CERS5: variants seen among roughly 807,000 people sequenced by gnomAD.
The protein encoded by CERS5 is LAG1 homolog, ceramide synthase 5.
In CERS5, 37 loss-of-function variants were observed where a neutral mutation model predicts 58.9. The ratio of observed to expected loss-of-function variants is 0.63; its 90% CI spans 0.48 to 0.83. CERS5 has a LOEUF of 0.83. Among genes scored for constraint, CERS5 ranks in the 40% least tolerant of loss-of-function variants. The pLI, the probability that CERS5 is intolerant of heterozygous loss-of-function variation, is 0.00. For synonymous variants in CERS5, 147 were observed against 177.8 expected, an observed-to-expected ratio of 0.83 and a Z score of 1.38; for missense variants, 398 against 489.3, an observed-to-expected ratio of 0.81 and a Z score of 1.76.
chr12:50,133,734 G>A, intron 9 of CERS5: 1 of 985,552 alleles, frequency 1.0e-6, no homozygotes, highest in Non-Finnish European at 1.2e-6. Context: ...TAAGGGACAG[G>A]AAGAAGGTAG....
chr12:50,143,350 G>A (rs1255308101), intron 2 of CERS5, 146 bp from the exon 3 acceptor site: 3 of 924,344 alleles, frequency 3.2e-6, no homozygotes, highest in East Asian at 4.9e-5. Flanking sequence ...GTCATTTTTA[G>A]TAAGAAATTT....
At chr12:50,134,338 A>T in intron 9 of CERS5, 1 of 1,340,176 alleles carries the variant, frequency 7.5e-7, no homozygotes, top group Non-Finnish European at 9.9e-7. Flanking sequence ...CATGCCACTG[A>T]ACTCCAGCCT....
intron 1 of CERS5, among the ~76,000 whole-genome samples, chr12:50,151,914 G>A (rs1352609507): frequency 6.6e-6 from 1 of 152,208 alleles, no homozygotes; most frequent in Non-Finnish European, 1.5e-5. Flanking sequence ...CCAAAGTGTT[G>A]GGATTACAGG....
At chr12:50,131,905 T>C (rs988569632) in intron 9 of CERS5, among the ~76,000 whole-genome samples, 1 of 151,768 alleles carries the variant, frequency 6.6e-6, no homozygotes, top group African/African-American at 2.4e-5. Context: ...GAGACCAGCC[T>C]GGGCAACATG....
chr12:50,165,150 C>G (rs991362061), intron 1 of CERS5: 6 of 152,046 alleles, frequency 3.9e-5, no homozygotes, highest in African/African-American at 1.2e-4. Context: ...CCGGGCGCGG[C>G]GGTTCACGCT....
At chr12:50,133,703 T>C in intron 9 of CERS5, 1 of 985,498 alleles carries the variant, frequency 1.0e-6, no homozygotes, top group Non-Finnish European at 1.2e-6. Flanking sequence ...AACCCTATCA[T>C]CCTTTAACAA....
chr12:50,140,342 G>A (rs965338066), intron 4 of CERS5, among the ~76,000 whole-genome samples: 1 of 130,282 alleles, frequency 7.7e-6, no homozygotes. Flanking sequence ...GGAGTGAAGT[G>A]GCATGATTTT....
intron 9 of CERS5, among the ~76,000 whole-genome samples, chr12:50,131,927 G>A (rs1951350049): frequency 6.6e-6 from 1 of 151,744 alleles, no homozygotes; most frequent in Admixed American, 6.6e-5. Flanking sequence ...AGAGAGCCCT[G>A]TCTCTACAAA....
intron 2 of CERS5, 132 bp from the exon 3 acceptor site, chr12:50,143,336 C>A: frequency 9.2e-7 from 1 of 1,087,044 alleles, no homozygotes; most frequent in Non-Finnish European, 1.3e-6. Context: ...AGTTTTATCC[C>A]AAAGTCATTT....
intron 1 of CERS5, among the ~76,000 whole-genome samples, chr12:50,156,432 ATATAT>A: frequency 7.6e-6 from 1 of 131,244 alleles, no homozygotes; most frequent in Non-Finnish European, 1.6e-5. Flanking sequence ...ATATATATAT[ATATAT>A]AAAACAATTA....
Position 50,135,726 on chromosome 12 carries a change from A to T in CERS5, c.872+6T>A, listed in dbSNP as rs1446119674. The T allele has an allele frequency of 6.3e-7, 1 of 1,592,478 alleles. No individual in the cohort carries two copies. Among genetic ancestry groups the T allele is most frequent in the East Asian group, 2.2e-5 (1 of 44,790 alleles). On this transcript the variant is annotated splice_donor_region_variant and intron_variant, in intron 8 of 9. Transcript: ENST00000317551. ...CCTACCACAACTCTACAGCCCTACC[A>T]CTTACCAGAATGGATAGATTCCTAG...
In CERS5 at chr12:50,167,272, A is replaced by C; in HGVS notation, c.26T>G (p.Leu9Arg). MATAAQGPLSLLWGWLWSE... is the reference protein window; with the variant it reads MATAAQGPRSLLWGWLWSE... ...CCACAGCCAGCCCCACAGCAAGCTT[A>C]GGGGTCCCTGCGCTGCTGTCGCCAT... Residue 9 changes from leucine to arginine, a missense_variant, in exon 1 of 10, where the codon CTA becomes CGA. This residue lies in a region of CERS5 where 328 missense variants were observed against 384.5 expected (regional missense o/e 0.85). Transcript: ENST00000317551. 26 of 1,572,088 alleles carry C rather than the reference A, an allele frequency of 1.7e-5. No individual in the cohort carries two copies. Among genetic ancestry groups the C allele is most frequent in the Non-Finnish European group, 2.2e-5 (26 of 1,165,848 alleles).
intron 1 of CERS5, among the ~76,000 whole-genome samples, chr12:50,157,027 C>T (rs1486617902): frequency 6.6e-6 from 1 of 152,190 alleles, no homozygotes; most frequent in Non-Finnish European, 1.5e-5. Context: ...AAAGGCAGAG[C>T]CACCCTTAAT....
chr12:50,130,699 G>T lies in CERS5; in HGVS notation c.1030-5C>A. ...ACTGCGATCATCCTTCGATACCTGGGTGGGATGAGACCAAAGACAGAAAAG... is the reference window on the plus strand; with the variant it reads ...ACTGCGATCATCCTTCGATACCTGGTTGGGATGAGACCAAAGACAGAAAAG... On this transcript the variant is annotated splice_polypyrimidine_tract_variant and splice_region_variant and intron_variant, in intron 9 of 9. Coordinates refer to ENST00000317551, the MANE Select transcript of CERS5 (RefSeq NM_147190.5). 6.3e-7 allele frequency: 1 copy of T among 1,577,144 alleles called. No homozygotes were observed. The highest frequency in any genetic ancestry group is 8.7e-7 in the Non-Finnish European group (1 of 1,151,746).
intron 9 of CERS5, chr12:50,134,200 G>A (rs1951500722): frequency 2.9e-6 from 1 of 349,656 alleles, no homozygotes; most frequent in South Asian, 2.5e-5. Context: ...GGGTAACATA[G>A]TGACACCCTA....
intron 1 of CERS5, among the ~76,000 whole-genome samples, chr12:50,166,688 T>G (rs1210875170): frequency 6.6e-6 from 1 of 152,186 alleles, no homozygotes; most frequent in Non-Finnish European, 1.5e-5. Context: ...GGCCCTTGCG[T>G]TGACCCCTCG....
Position 50,167,159 on chromosome 12 carries a change from T to C in CERS5, c.139A>G (p.Ile47Val), listed in dbSNP as rs983613156. ...GCCGCCAGCGGGAACACCGAGAGGATGTGCCGGCCGCGGGGGTAACCGTAG... is the reference window on the plus strand; with the variant it reads ...GCCGCCAGCGGGAACACCGAGAGGACGTGCCGGCCGCGGGGGTAACCGTAG... ...DGYGYPRGRH[I>V]LSVFPLAAGI... is the part of the protein sequence containing the mutation. The change falls in exon 1 of 10, where the codon ATC (isoleucine) becomes GTC (valine). Residue 47 changes from isoleucine (I) to valine (V), a missense_variant. Physicochemically the swap from Ile to Val is conservative, Grantham distance 29 (BLOSUM62 3). Around this residue, in one of 3 missense-constraint regions of CERS5, gnomAD observed 328 missense variants for 384.5 expected, o/e 0.85. Transcript: ENST00000317551. 3.1e-6 allele frequency: 5 copies of C among 1,596,486 alleles called. No individual in the cohort carries two copies. The highest frequency in any genetic ancestry group is 2.3e-5 in the East Asian group (1 of 43,522).
At chr12:50,132,802 A>G (rs1173570260) in intron 9 of CERS5, among the ~76,000 whole-genome samples, 1 of 152,206 alleles carries the variant, frequency 6.6e-6, no homozygotes, top group African/African-American at 2.4e-5. Flanking sequence ...TTAGGAAAAA[A>G]TCTGGCAACT....
intron 1 of CERS5, among the ~76,000 whole-genome samples, chr12:50,159,764 T>C (rs1239296434): frequency 6.6e-6 from 1 of 151,944 alleles, no homozygotes; most frequent in Non-Finnish European, 1.5e-5. Flanking sequence ...CAGCTAATTT[T>C]TGTATTTTTA....
Sources: gnomAD v4.1 joint callset for allele counts (sites outside exome capture counted in the v4.1 genomes callset) on GRCh38, gnomAD v4.1.1 for gene constraint, gnomAD v4.1.1 regional missense constraint, MANE v1.5 for transcripts, NCBI Gene and HGNC (gene_info 2026-07-23, HGNC 2026-07-21) for gene names.